PIAS4: variants seen among roughly 807,000 people sequenced by gnomAD.
PIAS4 encodes E3 SUMO-protein ligase PIAS4.
Under a neutral mutation model 58.0 loss-of-function variants are expected in PIAS4, and 7 were observed. The ratio of observed to expected loss-of-function variants is 0.12; its 90% CI spans 0.07 to 0.23. The LOEUF is 0.23. PIAS4 is among the 10% of genes least tolerant of loss of function. PIAS4 has a pLI of 1.00. For missense variants in PIAS4, 550 were observed against 709.5 expected, an observed-to-expected ratio of 0.78 and a Z score of 2.55; for synonymous variants, 364 against 312.4, an observed-to-expected ratio of 1.17 and a Z score of -1.74.
rs1444829684 is a variant in PIAS4, at chr19:4,007,929, C to A, written c.27+142C>A. ...CGCCGTCCCGGCCCCCAGACCCCGACCCCCGGTCTCAGGGTGAGGGCGGGG... is the reference window on the plus strand; with the variant it reads ...CGCCGTCCCGGCCCCCAGACCCCGAACCCCGGTCTCAGGGTGAGGGCGGGG... On this transcript the variant is annotated intron_variant, in intron 1 of 10. Coordinates refer to ENST00000262971, the MANE Select transcript of PIAS4 (RefSeq NM_015897.4). 3.3e-5 allele frequency: 17 copies of A among 514,810 alleles called. No homozygotes were observed. The South Asian group carries it at 1.4e-3, about 43-fold the overall frequency. 31.9% of individuals were successfully genotyped at this position (514,810 alleles called of 1,614,324 possible). A position where few individuals can be genotyped will look rare whatever the true frequency, so the allele number is the denominator to read the frequency against.
At chr19:4,012,176 T>C (rs2040002245) in intron 1 of PIAS4, among the ~76,000 whole-genome samples, 1 of 151,842 alleles carries the variant, frequency 6.6e-6, no homozygotes, top group Non-Finnish European at 1.5e-5. Flanking sequence ...CCTGGGATGA[T>C]CAGCAGATGT....
At chr19:4,012,406 G>A (rs1485131000) in intron 1 of PIAS4, among the ~76,000 whole-genome samples, 1 of 152,076 alleles carries the variant, frequency 6.6e-6, no homozygotes, top group South Asian at 2.1e-4. Context: ...CTTGGTTCCC[G>A]GCAGGTGATT....
intron 2 of PIAS4, among the ~76,000 whole-genome samples, chr19:4,020,711 C>T (rs1313453890): frequency 6.6e-6 from 1 of 152,228 alleles, no homozygotes; most frequent in Non-Finnish European, 1.5e-5. Flanking sequence ...CCTCTCACCT[C>T]AGCCTCCTGA....
At chr19:4,030,319 TTTTAAAA>T (rs1291078041) in intron 7 of PIAS4, among the ~76,000 whole-genome samples, 2,507 of 148,878 alleles carry the variant, frequency 0.017, 4 homozygotes, top group Middle Eastern at 0.031. Flanking sequence ...CGCAGAGCAA[TTTTAAAA>T]GAAAGCCTGC....
chr19:4,017,166 G>C (rs997135054), intron 2 of PIAS4, among the ~76,000 whole-genome samples: 1 of 152,082 alleles, frequency 6.6e-6, no homozygotes, highest in Non-Finnish European at 1.5e-5. Context: ...TTGGGGAACA[G>C]GGGGACTCCG....
intron 2 of PIAS4, 134 bp from the exon 3 acceptor site, chr19:4,023,902 T>G (rs965033669): frequency 4.6e-5 from 31 of 680,298 alleles, no homozygotes; most frequent in Non-Finnish European, 8.0e-5. Context: ...CCCCCACCTC[T>G]GCCCCACATA....
intron 1 of PIAS4, 139 bp downstream of exon 1, chr19:4,007,926 C>T (rs1285878659): frequency 7.4e-6 from 4 of 537,410 alleles, no homozygotes; most frequent in Non-Finnish European, 1.1e-5. Context: ...CCCCAGACCC[C>T]GACCCCCGGT....
At position 4,037,473 on chromosome 19, in the gene PIAS4, C is replaced by T. The variant is rs370543660; in HGVS notation, c.1242C>T (p.Ser414=). 7 of 1,611,232 alleles carry T rather than the reference C, an allele frequency of 4.3e-6. No individual in the cohort carries two copies. Among genetic ancestry groups the T allele is most frequent in the African/African-American group, 1.3e-5 (1 of 74,920 alleles). Residue 414 remains serine, a synonymous_variant, in exon 10 of 11, where the codon AGC becomes AGT. Coordinates refer to ENST00000262971, the MANE Select transcript of PIAS4 (RefSeq NM_015897.4). This position sits in a 1 kb window ranked among gnomAD's most constrained non-coding sequence, Gnocchi z 5.8. ...CGATCCGCGCCGAAAAGGAGCGCAG[C>T]TGCAGCCCGCAGGGCGCCATCCTCG... is the stretch of plus-strand genomic sequence containing the variant. ...WCPIRAEKER[S]CSPQGAILVL...
At position 4,013,920 on chromosome 19, in the gene PIAS4, T is replaced by C. The variant is rs2040026090; in HGVS notation, c.454+571T>C. The stretch of plus-strand genomic sequence containing the variant: ...ACGCCTCGCCATCTCCCCCACAGAG[T>C]CCGTTGCTCACACAGACTCTGTGGC... On this transcript the variant is annotated intron_variant, in intron 2 of 10. Coordinates refer to ENST00000262971, the MANE Select transcript of PIAS4 (RefSeq NM_015897.4). This position sits in a 1 kb window ranked among gnomAD's most constrained non-coding sequence, Gnocchi z 5.1. Among the ~76,000 whole-genome samples, 1 of 151,682 alleles carries C rather than the reference T, an allele frequency of 6.6e-6. No homozygotes were observed. Among genetic ancestry groups the C allele is most frequent in the African/African-American group, 2.4e-5 (1 of 41,270 alleles).
intron 7 of PIAS4, among the ~76,000 whole-genome samples, chr19:4,030,366 TCCCAGCACTTTGGGAG>T (rs1310884838): frequency 0.019 from 2,809 of 149,792 alleles, 5 homozygotes; most frequent in Middle Eastern, 0.031. Context: ...ACACCTGTAA[TCCCAGCACTTTGGGAG>T]GCCGAGGCGG....
chr19:4,020,409 C>A (rs746673663), intron 2 of PIAS4, among the ~76,000 whole-genome samples: 12 of 152,198 alleles, frequency 7.9e-5, no homozygotes, highest in African/African-American at 2.9e-4. Flanking sequence ...AGGGGCAGTT[C>A]GCCATCCCTG....
Position 4,028,193 on chromosome 19 carries a change from C to T in PIAS4, c.581+6C>T. On this transcript the variant is annotated splice_donor_region_variant and intron_variant, in intron 4 of 10. Coordinates refer to ENST00000262971, the MANE Select transcript of PIAS4 (RefSeq NM_015897.4). ...GCCGTGCAGGTCGTCCTGAGGTATG[C>T]CCAGGTGTGCCCGCGACCCCAGGGC... is the stretch of plus-strand genomic sequence containing the variant. The T allele has an allele frequency of 6.2e-7, 1 of 1,610,208 alleles. No homozygotes were observed. Among genetic ancestry groups the T allele is most frequent in the Non-Finnish European group, 8.5e-7 (1 of 1,179,614 alleles).
At chr19:4,012,838 G>A in intron 1 of PIAS4, 85 bp from the exon 2 acceptor site, 2 of 1,414,708 alleles carry the variant, frequency 1.4e-6, no homozygotes, top group South Asian at 2.8e-5. Flanking sequence ...GTCTTTCACG[G>A]CCCCCACATC....
At chr19:4,014,707 C>A (rs1324404754) in intron 2 of PIAS4, among the ~76,000 whole-genome samples, 1 of 152,220 alleles carries the variant, frequency 6.6e-6, no homozygotes, top group Non-Finnish European at 1.5e-5. Flanking sequence ...CCCTGCTGAC[C>A]CAGCAACCTG....
At chr19:4,028,879 C>A (rs757135832) in intron 6 of PIAS4, 31 bp downstream of exon 6, 2 of 1,612,772 alleles carry the variant, frequency 1.2e-6, no homozygotes, top group Non-Finnish European at 8.5e-7. Context: ...CCACCCTGCC[C>A]CCCAACCCCG....
rs1424422934 is a variant in PIAS4, at chr19:4,038,162, T to TCCGAG, written c.*291_*295dup. ...CACACAGCCGCCTCCCCGGCTGGAG[T>TCCGAG]CCGAGCCGGGAAGGGGTAGTGGGCG... On this transcript the variant is annotated 3_prime_UTR_variant, in exon 11 of 11. Coordinates refer to ENST00000262971, the MANE Select transcript of PIAS4 (RefSeq NM_015897.4). This position sits in a 1 kb window ranked among gnomAD's most constrained non-coding sequence, Gnocchi z 4.1. 2 of 366,774 alleles carry TCCGAG rather than the reference T, an allele frequency of 5.5e-6. No homozygotes were observed. The highest frequency in any genetic ancestry group is 5.0e-6 in the Non-Finnish European group (1 of 202,004). 22.7% of individuals were successfully genotyped at this position (366,774 alleles called of 1,614,324 possible). A position where few individuals can be genotyped will look rare whatever the true frequency, so the allele number is the denominator to read the frequency against.
chr19:4,023,703 GC>G (rs1429282887), intron 2 of PIAS4, among the ~76,000 whole-genome samples: 6 of 152,238 alleles, frequency 3.9e-5, no homozygotes, highest in Non-Finnish European at 7.3e-5. Context: ...TGTCCTGCTG[GC>G]CTGGCTGGGT....
intron 2 of PIAS4, among the ~76,000 whole-genome samples, chr19:4,016,875 CGA>C (rs2040058016): frequency 1.3e-5 from 2 of 152,128 alleles, no homozygotes; most frequent in African/African-American, 4.8e-5. Flanking sequence ...GGCTGGAACC[CGA>C]GAATGGTGGG....
intron 7 of PIAS4, 28 bp from the exon 8 acceptor site, chr19:4,033,072 G>C (rs1486129770): frequency 6.3e-7 from 1 of 1,598,530 alleles, no homozygotes; most frequent in African/African-American, 1.3e-5. Context: ...CCACCCTCCT[G>C]ACGGTGTCTT....
Sources: gnomAD v4.1 joint callset for allele counts (sites outside exome capture counted in the v4.1 genomes callset) on GRCh38, gnomAD v4.1.1 for gene constraint, Gnocchi (gnomAD v3.1) non-coding constraint, MANE v1.5 for transcripts, NCBI Gene and HGNC (gene_info 2026-07-23, HGNC 2026-07-21) for gene names.